The following NOSTRIN variants were observed in gnomAD, a reference collection of about 807,000 sequenced individuals.
The protein encoded by NOSTRIN is nitric oxide synthase trafficking.
A neutral mutation model predicts 59.0 loss-of-function variants in NOSTRIN; 63 were observed. The observed-to-expected ratio is 1.07, with a 90% CI of 0.87 to 1.32. The LOEUF (loss-of-function observed/expected upper bound fraction) is 1.32. Among genes scored for constraint, NOSTRIN ranks in the 40% most tolerant of loss-of-function variants. NOSTRIN has a pLI of 0.00. For synonymous variants in NOSTRIN, 200 were observed against 165.4 expected (o/e 1.21, Z -1.61); for missense variants, 512 against 473.1 (o/e 1.08, Z -0.76).
chr2:168,827,451 A>T (rs1687117598), intron 3 of NOSTRIN, among the ~76,000 whole-genome samples: 1 of 152,106 alleles, frequency 6.6e-6, no homozygotes, highest in East Asian at 1.9e-4. Flanking sequence ...GCCCTTTATC[A>T]CTTAACTTTT....
At chr2:168,832,033 GGTGTT>G (rs1687390915) in intron 6 of NOSTRIN, among the ~76,000 whole-genome samples, 1 of 152,158 alleles carries the variant, frequency 6.6e-6, no homozygotes, top group Non-Finnish European at 1.5e-5. Flanking sequence ...TTTGTAGAAA[GGTGTT>G]AGTGATCTCT....
chr2:168,809,517 G>T (rs900273391), intron 1 of NOSTRIN, among the ~76,000 whole-genome samples: 5 of 152,154 alleles, frequency 3.3e-5, no homozygotes, highest in Middle Eastern at 3.4e-3. Flanking sequence ...AAGTATTATA[G>T]AAGAAAACAA....
intron 10 of NOSTRIN, among the ~76,000 whole-genome samples, chr2:168,851,961 G>A (rs1160493626): frequency 1.3e-5 from 2 of 152,132 alleles, no homozygotes; most frequent in Non-Finnish European, 1.5e-5. Flanking sequence ...CAGGGCTGTT[G>A]GCAGGCCTCC....
At chr2:168,826,450 C>T (rs558737136) in intron 3 of NOSTRIN, among the ~76,000 whole-genome samples, 1 of 152,080 alleles carries the variant, frequency 6.6e-6, no homozygotes, top group Non-Finnish European at 1.5e-5. Context: ...TTTCTCTTCC[C>T]TCCCTTCCTC....
At position 168,816,243 on chromosome 2, in the gene NOSTRIN, C is replaced by T. The variant is rs893524055; in HGVS notation, c.113+4591C>T. On this transcript the variant is annotated intron_variant, in intron 2 of 15. Transcript: ENST00000317647. The stretch of plus-strand genomic sequence containing the variant: ...AGCAAAGTTTCCTGAACTTGTGGGC[C>T]AGCTGAGGCCCTGTGCCTGTCTTTA... 3.3e-5 allele frequency among the ~76,000 whole-genome samples: 5 copies of T among 152,280 alleles called. No individual in the cohort carries two copies. The East Asian group carries it at 9.6e-4, about 29-fold the overall frequency.
chr2:168,835,241 AT>A (rs150427137), intron 7 of NOSTRIN, among the ~76,000 whole-genome samples: 4 of 150,782 alleles, frequency 2.7e-5, no homozygotes, highest in Admixed American at 6.6e-5. Context: ...TGCTCGGCTA[AT>A]TTTTTTTTGC....
intron 13 of NOSTRIN, 95 bp downstream of exon 13, chr2:168,859,732 C>A: frequency 7.0e-7 from 1 of 1,434,612 alleles, no homozygotes; most frequent in Non-Finnish European, 9.4e-7. Context: ...GTTAGGAATT[C>A]TATGTGATAT....
intron 3 of NOSTRIN, among the ~76,000 whole-genome samples, chr2:168,826,940 G>C (rs1346485264): frequency 1.3e-5 from 2 of 151,944 alleles, no homozygotes; most frequent in Non-Finnish European, 2.9e-5. Flanking sequence ...GATTCATTTA[G>C]TGTTTTCTGG....
intron 3 of NOSTRIN, among the ~76,000 whole-genome samples, chr2:168,826,691 GA>G (rs1687081507): frequency 6.6e-6 from 1 of 152,212 alleles, no homozygotes; most frequent in African/African-American, 2.4e-5. Flanking sequence ...GCTCTACCCA[GA>G]AATGTGCCTG....
intron 7 of NOSTRIN, among the ~76,000 whole-genome samples, chr2:168,836,939 A>G (rs1199287379): frequency 2.0e-5 from 3 of 152,152 alleles, no homozygotes; most frequent in Admixed American, 2.0e-4. Flanking sequence ...AGTTCCATAG[A>G]TGGAGGTGGC....
rs1425272036 is a variant in NOSTRIN, at chr2:168,834,501, G to GCACA, written c.504+177_504+178insACAC. 4.9e-3 allele frequency among the ~76,000 whole-genome samples: 545 copies of GCACA among 110,700 alleles called. 4 individuals carry two copies. Among genetic ancestry groups the GCACA allele is most frequent in the African/African-American group, 0.016 (511 of 31,166 alleles). The allele number at this position is 110,700 out of a possible 152,430, so 72.6% of individuals were successfully genotyped here. A position where few individuals can be genotyped will look rare whatever the true frequency, so the allele number is the denominator to read the frequency against. On this transcript the variant is annotated intron_variant, in intron 7 of 15. Coordinates refer to ENST00000317647, the MANE Select transcript of NOSTRIN (RefSeq NM_001039724.4). ...AATCATTACTGGCGTGCGCGCGCGC[G>GCACA]CGCGCGCACACACACACACACACAC...
intron 3 of NOSTRIN, 113 bp from the exon 4 acceptor site, chr2:168,828,045 A>G: frequency 1.3e-6 from 1 of 748,486 alleles, no homozygotes; most frequent in Non-Finnish European, 2.4e-6. Flanking sequence ...TAGGGAAGTG[A>G]ATGCAATTGT....
intron 1 of NOSTRIN, among the ~76,000 whole-genome samples, chr2:168,810,924 T>C (rs936453137): frequency 6.6e-6 from 1 of 152,198 alleles, no homozygotes; most frequent in African/African-American, 2.4e-5. Context: ...ACAAAAACTT[T>C]TACTGGAAAT....
chr2:168,802,761 T>A, intron 1 of NOSTRIN, 88 bp downstream of exon 1: 1 of 823,964 alleles, frequency 1.2e-6, no homozygotes, highest in East Asian at 2.5e-5. Flanking sequence ...TTAAGAAATT[T>A]GAGACACTCA....
At chr2:168,799,766 A>G (rs146336228), upstream of NOSTRIN, among the ~76,000 whole-genome samples, 5 of 152,252 alleles carry the variant, frequency 3.3e-5, no homozygotes, top group Non-Finnish European at 5.9e-5. Flanking sequence ...GGAAAGAAAG[A>G]CATATACCAG....
At chr2:168,792,603 CCA>C (rs1227996095) in intron 2 of NOSTRIN, among the ~76,000 whole-genome samples, 2 of 152,082 alleles carry the variant, frequency 1.3e-5, no homozygotes, top group Non-Finnish European at 2.9e-5. Flanking sequence ...GTGCTTAACA[CCA>C]CACTCAGCTA....
At chr2:168,845,435 T>A (rs1688354864) in intron 8 of NOSTRIN, among the ~76,000 whole-genome samples, 1 of 152,224 alleles carries the variant, frequency 6.6e-6, no homozygotes, top group African/African-American at 2.4e-5. Context: ...CCCTTCTACC[T>A]ACATCGCAGC....
intron 2 of NOSTRIN, among the ~76,000 whole-genome samples, chr2:168,819,792 A>G (rs950537492): frequency 1.3e-5 from 2 of 152,162 alleles, no homozygotes; most frequent in Non-Finnish European, 2.9e-5. Flanking sequence ...AAAGGGTACA[A>G]TCGTGCTGTT....
rs145224351 is a variant in NOSTRIN, at chr2:168,834,490, TGCGC to T, written c.504+180_504+183del. The stretch of plus-strand genomic sequence containing the variant: ...AGGGGATTCCAAATCATTACTGGCG[TGCGC>T]GCGCGCGCGCGCGCACACACACACA... On this transcript the variant is annotated intron_variant, in intron 7 of 15. Transcript: ENST00000317647. Among the ~76,000 whole-genome samples the T allele has an allele frequency of 4.1e-3, 360 of 87,572 alleles. 3 individuals are homozygous for T. Among genetic ancestry groups the T allele is most frequent in the Middle Eastern group, 0.013 (2 of 154 alleles). 57.5% of individuals were successfully genotyped at this position (87,572 alleles called of 152,430 possible). A position where few individuals can be genotyped will look rare whatever the true frequency, so the allele number is the denominator to read the frequency against.
Sources: gnomAD v4.1 joint callset for allele counts (sites outside exome capture counted in the v4.1 genomes callset) on GRCh38, gnomAD v4.1.1 for gene constraint, MANE v1.5 for transcripts, NCBI Gene and HGNC (gene_info 2026-07-23, HGNC 2026-07-21) for gene names.